Variants in PRDM11 observed in about 807,000 individuals in gnomAD.
The protein encoded by PRDM11 is PR domain-containing protein 11.
A neutral mutation model predicts 97.8 loss-of-function variants in PRDM11; 20 were observed. The ratio of observed to expected loss-of-function variants is 0.20; its 90% CI spans 0.14 to 0.30. PRDM11 has a LOEUF of 0.30. Ranked by LOEUF, PRDM11 falls within the 10% of genes least tolerant of loss-of-function variation. The pLI, the probability that PRDM11 is intolerant of heterozygous loss-of-function variation, is 1.00. For synonymous variants in PRDM11, 599 were observed against 637.7 expected, an observed-to-expected ratio of 0.94 and a Z score of 0.91; for missense variants, 1,139 against 1,555.2, an observed-to-expected ratio of 0.73 and a Z score of 4.50.
chr11:45,100,326 C>T (rs1357259207), intron 1 of PRDM11, among the ~76,000 whole-genome samples: 2 of 152,148 alleles, frequency 1.3e-5, no homozygotes, highest in African/African-American at 4.8e-5. Flanking sequence ...TGGGGTGATC[C>T]TCACACTCAC....
chr11:45,151,445 G>T (rs1851657562), intron 1 of PRDM11, among the ~76,000 whole-genome samples: 1 of 152,258 alleles, frequency 6.6e-6, no homozygotes, highest in Non-Finnish European at 1.5e-5. Flanking sequence ...ATTGCTGGTG[G>T]TGTCCCCAGA....
At position 45,219,420 on chromosome 11, in the gene PRDM11, C is replaced by T. The variant is rs1334320225; in HGVS notation, c.555-150C>T. Reference sequence around the variant, plus strand: ...TGGGTTCTGGCTGGTGCTGCTTCTCCGGACAGGGCAGCTGCTCTGCTGATG... The same window carrying T: ...TGGGTTCTGGCTGGTGCTGCTTCTCTGGACAGGGCAGCTGCTCTGCTGATG... On this transcript the variant is annotated intron_variant, in intron 5 of 7. Transcript: ENST00000683152. This position sits in a 1 kb window ranked among gnomAD's most constrained non-coding sequence, Gnocchi z 4.2. 6 of 732,818 alleles carry T rather than the reference C, an allele frequency of 8.2e-6. No homozygotes were observed. Among genetic ancestry groups the T allele is most frequent in the Middle Eastern group, 3.3e-4 (1 of 3,060 alleles). 45.4% of individuals were successfully genotyped at this position (732,818 alleles called of 1,614,324 possible). A position where few individuals can be genotyped will look rare whatever the true frequency, so the allele number is the denominator to read the frequency against.
chr11:45,153,320 C>T (rs958132681), intron 1 of PRDM11, among the ~76,000 whole-genome samples: 1 of 152,238 alleles, frequency 6.6e-6, no homozygotes, highest in African/African-American at 2.4e-5. Flanking sequence ...GGGCGTGGGC[C>T]CCAGGTTCAG....
intron 1 of PRDM11, among the ~76,000 whole-genome samples, chr11:45,100,895 GT>G (rs1395075577): frequency 6.6e-6 from 1 of 152,240 alleles, no homozygotes; most frequent in East Asian, 1.9e-4. Context: ...AACTTACAAA[GT>G]TTAAGTATTT....
chr11:45,095,821 G>C, exon 1 of PRDM11: 1 of 771,910 alleles, frequency 1.3e-6, no homozygotes, highest in Non-Finnish European at 2.4e-6. Context: ...GAAGATGGCA[G>C]AGCCAATTGC....
intron 5 of PRDM11, chr11:45,213,524 G>C: frequency 4.4e-6 from 2 of 456,460 alleles, no homozygotes; most frequent in Non-Finnish European, 8.8e-6. Context: ...TTGCCCGGGG[G>C]TGGTGCCCGC....
intron 1 of PRDM11, among the ~76,000 whole-genome samples, chr11:45,110,730 G>A (rs1259772852): frequency 6.6e-6 from 1 of 152,366 alleles, no homozygotes; most frequent in East Asian, 1.9e-4. Context: ...CAGGTGCGGG[G>A]TGCAAGGAGC....
intron 7 of PRDM11, 97 bp downstream of exon 7, chr11:45,224,940 G>T: frequency 6.3e-7 from 1 of 1,588,252 alleles, no homozygotes; most frequent in South Asian, 1.1e-5. Context: ...CACCTTCCGG[G>T]AGACCTGAGG....
chr11:45,181,680 A>C, intron 1 of PRDM11, 81 bp from the exon 2 acceptor site: 1 of 1,198,582 alleles, frequency 8.3e-7, no homozygotes, highest in Admixed American at 1.8e-5. Context: ...CGAGACCCCC[A>C]CTTGCCCTCT....
chr11:45,226,011 C>A lies in PRDM11; in HGVS notation c.1386C>A (p.Val462=). 1 of 1,504,602 alleles carries A rather than the reference C, an allele frequency of 6.6e-7. No homozygotes were observed. The highest frequency in any genetic ancestry group is 1.2e-5 in the South Asian group (1 of 81,750). 93.2% of individuals were successfully genotyped at this position (1,504,602 alleles called of 1,614,324 possible). A position where few individuals can be genotyped will look rare whatever the true frequency, so the allele number is the denominator to read the frequency against. The change falls in exon 8 of 8, where the codon GTC becomes GTA. Residue 462 remains valine (V), a synonymous_variant. Transcript: ENST00000683152. The part of the protein sequence containing the change: ...FSDPAASESM[V]SGPAIMEDDD... Reference sequence around the variant, plus strand: ...GTTTTTCAGCCTCAGAAAGCATGGTCTCCGGCCCCGCCATCATGGAGGATG... The same window carrying A: ...GTTTTTCAGCCTCAGAAAGCATGGTATCCGGCCCCGCCATCATGGAGGATG...
intron 1 of PRDM11, among the ~76,000 whole-genome samples, chr11:45,151,015 A>G (rs532725210): frequency 6.6e-6 from 1 of 152,280 alleles, no homozygotes; most frequent in Admixed American, 6.5e-5. Flanking sequence ...TCTCCTTGGT[A>G]TGTCTTCTTG....
At chr11:45,194,635 GTCGC>G (rs1284064054) in intron 4 of PRDM11, among the ~76,000 whole-genome samples, 1 of 108,052 alleles carries the variant, frequency 9.3e-6, no homozygotes, top group Admixed American at 1.5e-4. Flanking sequence ...GTCTCGCTCT[GTCGC>G]CCAGGCTGGA....
intron 5 of PRDM11, chr11:45,213,410 G>A (rs145701721): frequency 4.5e-6 from 2 of 445,138 alleles, no homozygotes; most frequent in Non-Finnish European, 9.1e-6. Context: ...TGCTGCATCG[G>A]CCTCCCACAT....
At chr11:45,145,397 AC>A (rs1241116265), upstream of PRDM11, among the ~76,000 whole-genome samples, 1 of 152,082 alleles carries the variant, frequency 6.6e-6, no homozygotes, top group African/African-American at 2.4e-5. Context: ...AGCCATGAGC[AC>A]CCCCATCTGA....
At chr11:45,178,808 C>G (rs1249251958) in intron 1 of PRDM11, among the ~76,000 whole-genome samples, 1 of 152,214 alleles carries the variant, frequency 6.6e-6, no homozygotes, top group Non-Finnish European at 1.5e-5. Flanking sequence ...CCTGGCTTGT[C>G]TTTCCCTAGT....
chr11:45,216,035 T>A (rs955296446), intron 5 of PRDM11: 1 of 152,612 alleles, frequency 6.6e-6, no homozygotes, highest in Non-Finnish European at 1.5e-5. Flanking sequence ...ACACAGTGGG[T>A]GAGGTCTGAG....
intron 4 of PRDM11, among the ~76,000 whole-genome samples, chr11:45,196,213 A>T (rs1437469071): frequency 2.0e-5 from 3 of 152,062 alleles, no homozygotes; most frequent in Non-Finnish European, 4.4e-5. Flanking sequence ...ATCCTAGTGG[A>T]TGTGAAGTGA....
chr11:45,203,120 A>T (rs1853387875), intron 4 of PRDM11, among the ~76,000 whole-genome samples: 1 of 152,182 alleles, frequency 6.6e-6, no homozygotes. Flanking sequence ...GAGGCTTATG[A>T]ATGGCACTAG....
rs558644724 is a variant in PRDM11, at chr11:45,228,137, C to T, written c.3512C>T (p.Thr1171Met). Residue 1171 changes from threonine (T) to methionine (M), a missense_variant, in exon 8 of 8, where the codon ACG (threonine) becomes ATG (methionine). Physicochemically the swap from Thr to Met is moderately conservative, Grantham distance 81. This residue lies in a region of PRDM11 where 710 missense variants were observed against 1,044.9 expected (regional missense o/e 0.68). Transcript: ENST00000683152. ...GCACTACAGACCATGGACCACGGGA[C>T]GGAGTTTTACCCCGACATTTAGGGA... is the stretch of plus-strand genomic sequence containing the variant. ...KPALQTMDHG[T>M]EFYPDI 4.7e-4 allele frequency: 718 copies of T among 1,526,276 alleles called. 2 individuals carry two copies. In the African/African-American group the frequency reaches 9.1e-3, roughly 19 times the overall value. 94.5% of individuals were successfully genotyped at this position (1,526,276 alleles called of 1,614,324 possible).
Sources: gnomAD v4.1 joint callset for allele counts (sites outside exome capture counted in the v4.1 genomes callset) on GRCh38, gnomAD v4.1.1 for gene constraint, gnomAD v4.1.1 regional missense constraint, Gnocchi (gnomAD v3.1) non-coding constraint, MANE v1.5 for transcripts, NCBI Gene and HGNC (gene_info 2026-07-23, HGNC 2026-07-21) for gene names.